The following RAPGEF1 variants were observed in gnomAD, a reference collection of about 807,000 sequenced individuals.
RAPGEF1 encodes the protein CRK SH3-binding GNRP.
A neutral mutation model predicts 143.3 loss-of-function variants in RAPGEF1; 33 were observed. That is an observed-to-expected ratio of 0.23 (90% CI 0.17 to 0.31). The LOEUF (loss-of-function observed/expected upper bound fraction) is 0.31. RAPGEF1 is among the 10% of genes least tolerant of loss of function. The pLI is 1.00. For synonymous variants in RAPGEF1, 629 were observed against 676.5 expected (o/e 0.93, Z 1.09); for missense variants, 1,199 against 1,645.4 (o/e 0.73, Z 4.69).
At chr9:131,691,236 T>C (rs1306096926) in intron 1 of RAPGEF1, among the ~76,000 whole-genome samples, 8 of 152,216 alleles carry the variant, frequency 5.3e-5, no homozygotes, top group African/African-American at 1.9e-4. Context: ...TTTAAACCTG[T>C]TGATATTTTT....
chr9:131,626,561 AT>A, intron 9 of RAPGEF1, 139 bp from the exon 10 acceptor site: 1 of 770,760 alleles, frequency 1.3e-6, no homozygotes. Flanking sequence ...TTATATTCAC[AT>A]GTTATATTCT....
chr9:131,729,390 T>G (rs1176458060), intron 1 of RAPGEF1, among the ~76,000 whole-genome samples: 3 of 152,250 alleles, frequency 2.0e-5, no homozygotes, highest in African/African-American at 7.2e-5. Context: ...AAGGGCCACT[T>G]CCTACCGTTG....
chr9:131,694,698 C>T (rs1214209281), intron 1 of RAPGEF1, among the ~76,000 whole-genome samples: 2 of 151,934 alleles, frequency 1.3e-5, no homozygotes, highest in African/African-American at 2.4e-5. Context: ...GAGGCCACCC[C>T]GGACACTCTC....
chr9:131,648,925 G>T (rs1970375920), intron 3 of RAPGEF1, among the ~76,000 whole-genome samples: 1 of 152,178 alleles, frequency 6.6e-6, no homozygotes, highest in Non-Finnish European at 1.5e-5. Context: ...TAAATGGATG[G>T]CTGTGACAGT....
chr9:131,641,912 T>C lies in RAPGEF1; in HGVS notation c.494+1327A>G, dbSNP rs565370045. On this transcript the variant is annotated intron_variant, in intron 4 of 26. Transcript: ENST00000683357. The surrounding 1 kb of genome is among the most constrained non-coding windows in gnomAD (Gnocchi z 4.6). ...TCTTGTAAATAAAGACACTATTTGC[T>C]TTATCCCCCAGAAGAAGAAAACTAT... is the stretch of plus-strand genomic sequence containing the variant. 5.4e-4 allele frequency among the ~76,000 whole-genome samples: 82 copies of C among 152,360 alleles called. No individual in the cohort carries two copies. The highest frequency in any genetic ancestry group is 1.9e-3 in the African/African-American group (79 of 41,580).
At chr9:131,721,201 G>A (rs1353060463) in intron 1 of RAPGEF1, among the ~76,000 whole-genome samples, 2 of 152,170 alleles carry the variant, frequency 1.3e-5, no homozygotes, top group Non-Finnish European at 2.9e-5. Context: ...TGTGGAACGC[G>A]ATAGATGTTA....
At chr9:131,668,216 C>T (rs532985360) in intron 1 of RAPGEF1, among the ~76,000 whole-genome samples, 1 of 152,286 alleles carries the variant, frequency 6.6e-6, no homozygotes, top group South Asian at 2.1e-4. Flanking sequence ...TTATAAACCA[C>T]AGATGCTGCT....
At chr9:131,668,377 T>C (rs1463635703) in intron 1 of RAPGEF1, among the ~76,000 whole-genome samples, 3 of 152,228 alleles carry the variant, frequency 2.0e-5, no homozygotes, top group Non-Finnish European at 4.4e-5. Context: ...AAACTTACAA[T>C]TTAAGAAATC....
Position 131,628,554 on chromosome 9 carries a change from T to C in RAPGEF1, c.1012A>G (p.Arg338Gly), listed in dbSNP as rs770102713. The C allele has an allele frequency of 6.2e-7, 1 of 1,612,754 alleles. No individual in the cohort carries two copies. The change falls in exon 8 of 27, where the codon AGG becomes GGG. Residue 338 changes from arginine (R) to glycine (G), a missense_variant. Arg to Gly is a moderately radical substitution (Grantham distance 125, BLOSUM62 -2). This residue lies in a region of RAPGEF1 where 613 missense variants were observed against 710.9 expected (regional missense o/e 0.86). Coordinates refer to ENST00000683357, the MANE Select transcript of RAPGEF1 (RefSeq NM_001377935.1). The surrounding 1 kb of genome is among the most constrained non-coding windows in gnomAD (Gnocchi z 5.7). ...GGGAACAGGGGCTGCATTACCTGCCTATTGATTCCAACAGGCAAACTGGAG... is the reference window on the plus strand; with the variant it reads ...GGGAACAGGGGCTGCATTACCTGCCCATTGATTCCAACAGGCAAACTGGAG... ...SGSSLPVGIN[R>G]QDFDVDCYAQ...
In RAPGEF1 at chr9:131,628,159, G is replaced by T. The variant is rs978941425; in HGVS notation, c.1018-63C>A. 1.4e-6 allele frequency: 2 copies of T among 1,393,230 alleles called. No homozygotes were observed. Among genetic ancestry groups the T allele is most frequent in the Non-Finnish European group, 1.9e-6 (2 of 1,052,140 alleles). 86.3% of individuals were successfully genotyped at this position (1,393,230 alleles called of 1,614,324 possible). A position where few individuals can be genotyped will look rare whatever the true frequency, so the allele number is the denominator to read the frequency against. The stretch of plus-strand genomic sequence containing the variant: ...TGAGAAACGGTGGCACAGACCAGGG[G>T]TGAGGCAACCGGTGCATTTACTTAG... On this transcript the variant is annotated intron_variant, in intron 8 of 26. Transcript: ENST00000683357. This position sits in a 1 kb window ranked among gnomAD's most constrained non-coding sequence, Gnocchi z 5.7.
chr9:131,651,865 A>G (rs1238211906), intron 1 of RAPGEF1, among the ~76,000 whole-genome samples: 5 of 152,240 alleles, frequency 3.3e-5, no homozygotes, highest in African/African-American at 1.2e-4. Flanking sequence ...CACCTAGGCT[A>G]TATGGAATAG....
chr9:131,687,455 A>G (rs900192146), intron 1 of RAPGEF1, among the ~76,000 whole-genome samples: 3 of 151,976 alleles, frequency 2.0e-5, no homozygotes, highest in African/African-American at 7.3e-5. Flanking sequence ...TCAGCCTCCC[A>G]CAGTACTGAG....
intron 1 of RAPGEF1, chr9:131,725,460 T>C (rs1001833091): frequency 6.6e-6 from 1 of 152,178 alleles, no homozygotes; most frequent in East Asian, 1.9e-4. Flanking sequence ...CACACCACCA[T>C]GCTCAGCTAA....
intron 1 of RAPGEF1, chr9:131,709,555 G>T: frequency 6.7e-7 from 1 of 1,493,742 alleles, no homozygotes; most frequent in Non-Finnish European, 9.3e-7. Flanking sequence ...CTGCTGCTGG[G>T]CCAGTCTCTC....
intron 1 of RAPGEF1, among the ~76,000 whole-genome samples, chr9:131,654,676 C>T (rs567950361): frequency 1.3e-5 from 2 of 152,132 alleles, no homozygotes; most frequent in Admixed American, 6.5e-5. Context: ...GGCAACAGAG[C>T]GAGACCCTGT....
intron 14 of RAPGEF1, 36 bp from the exon 15 acceptor site, chr9:131,602,185 G>C: frequency 1.3e-6 from 2 of 1,499,970 alleles, no homozygotes; most frequent in Non-Finnish European, 1.8e-6. Flanking sequence ...TCTGGACAGG[G>C]GCCCTCTGCG....
At chr9:131,642,428 A>G (rs1208288449) in intron 4 of RAPGEF1, among the ~76,000 whole-genome samples, 2 of 152,224 alleles carry the variant, frequency 1.3e-5, no homozygotes, top group Non-Finnish European at 2.9e-5. Context: ...ACTTACAGGC[A>G]TCTTTGCCCG....
chr9:131,713,679 G>A (rs1480629385), intron 1 of RAPGEF1, among the ~76,000 whole-genome samples: 1 of 152,154 alleles, frequency 6.6e-6, no homozygotes, highest in East Asian at 1.9e-4. Flanking sequence ...GGGAGGCTGA[G>A]GTGGGAGGTT....
chr9:131,623,869 C>T (rs533653146), intron 10 of RAPGEF1, among the ~76,000 whole-genome samples: 10 of 152,336 alleles, frequency 6.6e-5, no homozygotes, highest in East Asian at 1.9e-4. Context: ...GTTAGCCACG[C>T]GGCCAGGGTG....
Sources: allele counts gnomAD v4.1 joint callset (sites outside exome capture counted in the v4.1 genomes callset), GRCh38; gene constraint gnomAD v4.1.1; regional missense constraint gnomAD v4.1.1; non-coding constraint Gnocchi (gnomAD v3.1); transcripts MANE v1.5; gene names NCBI Gene and HGNC (gene_info 2026-07-23, HGNC 2026-07-21).